Variants in SEMA3A observed in about 807,000 individuals in gnomAD.
SEMA3A encodes the protein semaphorin-3A.
Under a neutral mutation model 97.9 loss-of-function variants are expected in SEMA3A, and 29 were observed. The observed-to-expected ratio is 0.30, with a 90% CI of 0.22 to 0.40. SEMA3A has a LOEUF of 0.40. SEMA3A is among the 10% of genes least tolerant of loss of function. SEMA3A has a pLI of 1.00. For synonymous variants in SEMA3A, 321 were observed against 323.7 expected, an observed-to-expected ratio of 0.99 and a Z score of 0.09; for missense variants, 763 against 951.3, an observed-to-expected ratio of 0.80 and a Z score of 2.60.
intron 4 of SEMA3A, among the ~76,000 whole-genome samples, chr7:84,062,603 T>C (rs947193916): frequency 6.6e-6 from 1 of 152,192 alleles, no homozygotes; most frequent in Non-Finnish European, 1.5e-5. Flanking sequence ...ATTGCCTCAC[T>C]TGGGAAGCGC....
intron 1 of SEMA3A, among the ~76,000 whole-genome samples, chr7:84,461,340 C>A (rs1805834524): frequency 6.6e-6 from 1 of 152,076 alleles, no homozygotes; most frequent in Admixed American, 6.5e-5. Context: ...GGACACAATA[C>A]CACAGTATAA....
chr7:84,478,014 G>A (rs1302919680), intron 1 of SEMA3A, among the ~76,000 whole-genome samples: 2 of 152,088 alleles, frequency 1.3e-5, no homozygotes, highest in African/African-American at 4.8e-5. Context: ...CTGGTGTTGA[G>A]GTAACATCTT....
At position 84,109,318 on chromosome 7, in the gene SEMA3A, C is replaced by T. The variant is rs114853536; in HGVS notation, c.453+1152G>A. Among the ~76,000 whole-genome samples the T allele has an allele frequency of 4.2e-3, 637 of 152,238 alleles. 6 individuals are homozygous for T. The highest frequency in any genetic ancestry group is 0.015 in the African/African-American group (612 of 41,520). On this transcript the variant is annotated intron_variant, in intron 4 of 16. Transcript: ENST00000265362. ...TCAGTCTGTCAGCATAAATACTATA[C>T]ATATGGACTTATAAAAAAGAGAAGA... is the stretch of plus-strand genomic sequence containing the variant.
chr7:84,302,682 G>A (rs1311213817), intron 3 of SEMA3A, among the ~76,000 whole-genome samples: 4 of 152,080 alleles, frequency 2.6e-5, no homozygotes, highest in Non-Finnish European at 5.9e-5. Flanking sequence ...TGCTGCTTAT[G>A]ACAATGATAA....
At chr7:84,350,424 A>T (rs1011948866) in intron 2 of SEMA3A, among the ~76,000 whole-genome samples, 9 of 152,166 alleles carry the variant, frequency 5.9e-5, no homozygotes, top group African/African-American at 2.2e-4. Context: ...CTAATTGAAT[A>T]AAAGTTTTAT....
intron 2 of SEMA3A, among the ~76,000 whole-genome samples, chr7:84,352,949 T>C (rs961075066): frequency 6.6e-6 from 1 of 151,800 alleles, no homozygotes; most frequent in African/African-American, 2.4e-5. Context: ...AATTAATCTA[T>C]ACTAACTATT....
At position 83,974,064 on chromosome 7, in the gene SEMA3A, G is replaced by A. The variant is rs143112694; in HGVS notation, c.1717+3068C>T. ...ATTTTGTACACAGCAATTATTTTAC[G>A]GAAGGGAACAGATTGGAAACAACCT... On this transcript the variant is annotated intron_variant, in intron 15 of 16. Transcript: ENST00000265362. 1.1e-4 allele frequency among the ~76,000 whole-genome samples: 16 copies of A among 152,126 alleles called. No individual in the cohort carries two copies. In the East Asian group the frequency reaches 1.6e-3, roughly 15 times the overall value.
At chr7:84,268,565 G>A (rs1448562234) in intron 3 of SEMA3A, among the ~76,000 whole-genome samples, 1 of 151,822 alleles carries the variant, frequency 6.6e-6, no homozygotes, top group Non-Finnish European at 1.5e-5. Flanking sequence ...GGATAAATTG[G>A]GTTGGCTTCG....
chr7:84,186,824 C>CTATATA lies in SEMA3A; in HGVS notation c.112+7645_112+7650dup, dbSNP rs148378801. ...TTATTCTAAATACCAATCTATAGATCTATATATAAGTGGCCTAAGGAAATT... is the reference window on the plus strand; with the variant it reads ...TTATTCTAAATACCAATCTATAGATCTATATATATATATAAGTGGCCTAAGGAAATT... On this transcript the variant is annotated intron_variant, in intron 1 of 16. Coordinates refer to ENST00000265362, the MANE Select transcript of SEMA3A (RefSeq NM_006080.3). 0.011 allele frequency among the ~76,000 whole-genome samples: 1,675 copies of CTATATA among 151,928 alleles called. 54 individuals carry two copies. In the East Asian group the frequency reaches 0.14, roughly 13 times the overall value.
intron 6 of SEMA3A, 120 bp from the exon 7 acceptor site, chr7:84,014,471 G>A (rs374001524): frequency 8.0e-6 from 6 of 747,832 alleles, no homozygotes; most frequent in Admixed American, 3.2e-5. Flanking sequence ...CGTATCTTTC[G>A]TTTGTTCATT....
At chr7:84,089,420 G>A (rs952747218) in intron 4 of SEMA3A, among the ~76,000 whole-genome samples, 6 of 152,012 alleles carry the variant, frequency 3.9e-5, no homozygotes, top group Non-Finnish European at 8.8e-5. Context: ...ATTACCATAT[G>A]AATAAATACC....
intron 12 of SEMA3A, among the ~76,000 whole-genome samples, chr7:84,000,099 A>G (rs529737941): frequency 6.6e-6 from 1 of 151,980 alleles, no homozygotes; most frequent in South Asian, 2.1e-4. Flanking sequence ...TAAAGACAAT[A>G]TGGCAATTTA....
At chr7:84,434,534 C>G (rs750632211) in intron 1 of SEMA3A, among the ~76,000 whole-genome samples, 4 of 152,118 alleles carry the variant, frequency 2.6e-5, no homozygotes, top group Non-Finnish European at 5.9e-5. Flanking sequence ...CACCCTGATA[C>G]CAAAACCTGG....
At chr7:84,076,976 T>G (rs893747751) in intron 4 of SEMA3A, among the ~76,000 whole-genome samples, 1 of 152,110 alleles carries the variant, frequency 6.6e-6, no homozygotes, top group Non-Finnish European at 1.5e-5. Context: ...TCATGTAGAT[T>G]ATCTTTTTAA....
At chr7:84,119,436 A>G (rs1795535465) in intron 3 of SEMA3A, among the ~76,000 whole-genome samples, 1 of 152,186 alleles carries the variant, frequency 6.6e-6, no homozygotes, top group South Asian at 2.1e-4. Flanking sequence ...AAAAAGTCCA[A>G]AAGTAAGTAG....
In SEMA3A at chr7:84,481,346, A is replaced by G. The variant is rs1806440686; in HGVS notation, c.-246+11114T>C. On this transcript the variant is annotated intron_variant, in intron 1 of 3. Transcript: ENST00000424555. ...CCTAATTAAAAATGAACATTATTTC[A>G]AAGCTCTTTTAGAGTAACTCTGAGA... Among the ~76,000 whole-genome samples, 3 of 152,186 alleles carry G rather than the reference A, an allele frequency of 2.0e-5. No individual in the cohort carries two copies. The South Asian group carries it at 6.2e-4, about 31-fold the overall frequency.
chr7:84,053,846 G>A (rs1282579788), intron 5 of SEMA3A, among the ~76,000 whole-genome samples: 9 of 106,100 alleles, frequency 8.5e-5, no homozygotes, highest in Admixed American at 4.3e-4. Context: ...TGCAGTGGCT[G>A]GTACCGGTTG....
rs376083927 is a variant in SEMA3A, at chr7:84,024,518, C to A, written c.668-10167G>T. Among the ~76,000 whole-genome samples, 434 of 151,744 alleles carry A rather than the reference C, an allele frequency of 2.9e-3. 3 individuals are homozygous for A. Among genetic ancestry groups the A allele is most frequent in the African/African-American group, 9.6e-3 (399 of 41,376 alleles). ...CTGAGACCGCACCACTGCACTCCAG[C>A]CTGAGCAAGAGAGGAGACTCTGTCC... On this transcript the variant is annotated intron_variant, in intron 6 of 16. Coordinates refer to ENST00000265362, the MANE Select transcript of SEMA3A (RefSeq NM_006080.3).
intron 2 of SEMA3A, among the ~76,000 whole-genome samples, chr7:84,335,574 T>C (rs1374438771): frequency 1.3e-5 from 2 of 152,124 alleles, no homozygotes; most frequent in Non-Finnish European, 2.9e-5. Context: ...CACATTTTCT[T>C]TGGGAATTTG....
Sources: allele counts gnomAD v4.1 joint callset (sites outside exome capture counted in the v4.1 genomes callset), GRCh38; gene constraint gnomAD v4.1.1; transcripts MANE v1.5; gene names NCBI Gene and HGNC (gene_info 2026-07-23, HGNC 2026-07-21).